CDH13: variants seen among roughly 807,000 people sequenced by gnomAD.
The protein encoded by CDH13 is cadherin-13.
CDH13 carries 24 observed loss-of-function variants against 63.8 expected under a neutral mutation model. The observed-to-expected ratio is 0.38, with a 90% confidence interval of 0.27 to 0.53. The LOEUF (loss-of-function observed/expected upper bound fraction) is 0.53, where lower values mean the gene tolerates loss of function less well. Ranked by LOEUF, CDH13 falls within the 20% of genes least tolerant of loss-of-function variation. The pLI, the probability that CDH13 is intolerant of heterozygous loss-of-function variation, is 0.85. For missense variants in CDH13, 1,049 were observed against 903.1 expected, an observed-to-expected ratio of 1.16 and a Z score of -2.07; for synonymous variants, 503 against 355.3, an observed-to-expected ratio of 1.42 and a Z score of -4.67.
At chr16:83,181,819 G>T (rs1303678979) in intron 4 of CDH13, among the ~76,000 whole-genome samples, 1 of 152,050 alleles carries the variant, frequency 6.6e-6, no homozygotes, top group Admixed American at 6.6e-5. Flanking sequence ...GTATTTTTCT[G>T]GAGAGGGAAG....
intron 10 of CDH13, among the ~76,000 whole-genome samples, chr16:83,695,533 T>C (rs1425745722): frequency 6.6e-6 from 1 of 152,210 alleles, no homozygotes. Context: ...CAGTTAGCAA[T>C]GTTGAGTAAA....
chr16:82,742,146 T>C (rs935265623), intron 1 of CDH13, among the ~76,000 whole-genome samples: 1 of 152,160 alleles, frequency 6.6e-6, no homozygotes, highest in Non-Finnish European at 1.5e-5. Context: ...ACCATGTATG[T>C]TCCAACATAA....
intron 4 of CDH13, among the ~76,000 whole-genome samples, chr16:83,162,361 T>A (rs1405325341): frequency 1.3e-5 from 2 of 152,148 alleles, no homozygotes. Flanking sequence ...GTGATATCAT[T>A]GAATCCTTCC....
intron 4 of CDH13, among the ~76,000 whole-genome samples, chr16:83,195,140 T>A (rs74031460): frequency 0.053 from 8,045 of 152,238 alleles, 670 homozygotes; most frequent in African/African-American, 0.18. Flanking sequence ...TTTATTTACA[T>A]CATTCACAGT....
At chr16:83,249,537 C>T (rs1489422731) in intron 5 of CDH13, among the ~76,000 whole-genome samples, 3 of 152,170 alleles carry the variant, frequency 2.0e-5, no homozygotes, top group Non-Finnish European at 4.4e-5. Flanking sequence ...CCAATAGCTA[C>T]TTCATGAGAA....
intron 7 of CDH13, among the ~76,000 whole-genome samples, chr16:83,511,854 G>A (rs540249653): frequency 3.0e-4 from 46 of 152,210 alleles, no homozygotes; most frequent in Middle Eastern, 6.8e-3. Context: ...CAGGCTTTGG[G>A]ATCTCTCCCT....
intron 5 of CDH13, among the ~76,000 whole-genome samples, chr16:83,230,787 A>C (rs193271083): frequency 6.6e-6 from 1 of 152,348 alleles, no homozygotes; most frequent in African/African-American, 2.4e-5. Context: ...CTCTGTCTCA[A>C]AGTTATCCCA....
At chr16:83,376,590 C>G (rs1019379309) in intron 6 of CDH13, among the ~76,000 whole-genome samples, 3 of 152,060 alleles carry the variant, frequency 2.0e-5, no homozygotes, top group African/African-American at 7.2e-5. Context: ...GAGAGAGGAA[C>G]ATCTAACTCG....
chr16:83,339,438 C>T (rs763746657), intron 5 of CDH13, among the ~76,000 whole-genome samples: 1 of 152,070 alleles, frequency 6.6e-6, no homozygotes, highest in Admixed American at 6.5e-5. Context: ...CCCCTAAAAA[C>T]TGGGGAGTAA....
intron 6 of CDH13, among the ~76,000 whole-genome samples, chr16:83,349,507 G>T (rs2090906995): frequency 6.6e-6 from 1 of 152,138 alleles, no homozygotes; most frequent in Admixed American, 6.5e-5. Context: ...CCTGCCTGTG[G>T]TTTGCTTGAG....
chr16:83,422,751 A>C (rs1390458129), intron 6 of CDH13, among the ~76,000 whole-genome samples: 1 of 152,164 alleles, frequency 6.6e-6, no homozygotes, highest in Admixed American at 6.5e-5. Flanking sequence ...GATTACCCAA[A>C]GTTGCCCCAA....
intron 4 of CDH13, among the ~76,000 whole-genome samples, chr16:83,173,355 A>G (rs903878272): frequency 6.6e-6 from 1 of 152,134 alleles, no homozygotes; most frequent in African/African-American, 2.4e-5. Flanking sequence ...TTTGCTATGG[A>G]ACTTGTCAGA....
At chr16:82,665,572 G>C (rs757625449) in intron 1 of CDH13, among the ~76,000 whole-genome samples, 3 of 152,066 alleles carry the variant, frequency 2.0e-5, no homozygotes, top group African/African-American at 7.2e-5. Flanking sequence ...GATTTATGAT[G>C]AGATTTTATC....
intron 2 of CDH13, among the ~76,000 whole-genome samples, chr16:82,940,313 C>T (rs1199337196): frequency 6.6e-6 from 1 of 152,058 alleles, no homozygotes; most frequent in Non-Finnish European, 1.5e-5. Context: ...GTTTTTCCAC[C>T]TGTAAAATGG....
At chr16:83,279,367 C>T (rs955186666) in intron 5 of CDH13, among the ~76,000 whole-genome samples, 1 of 152,144 alleles carries the variant, frequency 6.6e-6, no homozygotes, top group Non-Finnish European at 1.5e-5. Context: ...AGTCACAATG[C>T]CGAGGGGCTC....
intron 1 of CDH13, among the ~76,000 whole-genome samples, chr16:82,709,746 A>T (rs186244835): frequency 2.2e-4 from 33 of 152,272 alleles, no homozygotes; most frequent in Admixed American, 7.8e-4. Flanking sequence ...AGGATGCAGG[A>T]GCTTCCATTT....
intron 7 of CDH13, among the ~76,000 whole-genome samples, chr16:83,577,298 GA>G (rs1905151151): frequency 6.6e-6 from 1 of 152,210 alleles, no homozygotes; most frequent in African/African-American, 2.4e-5. Flanking sequence ...ATTGAAGGAA[GA>G]AGAGAGGAAT....
intron 2 of CDH13, among the ~76,000 whole-genome samples, chr16:82,986,865 A>C (rs796391869): frequency 7.7e-4 from 118 of 152,260 alleles, no homozygotes; most frequent in African/African-American, 2.7e-3. Context: ...GTTCTTTTAA[A>C]CTTTTATGAG....
At chr16:83,570,361 A>C (rs1598305976) in intron 7 of CDH13, among the ~76,000 whole-genome samples, 1 of 152,104 alleles carries the variant, frequency 6.6e-6, no homozygotes, top group African/African-American at 2.4e-5. Flanking sequence ...CTGGTCTCTG[A>C]TGACACTTGT....
Sources: allele counts gnomAD v4.1 joint callset (sites outside exome capture counted in the v4.1 genomes callset), GRCh38; gene constraint gnomAD v4.1.1; transcripts MANE v1.5; gene names NCBI Gene and HGNC (gene_info 2026-07-23, HGNC 2026-07-21).